SIPA1L1: variants seen among roughly 807,000 people sequenced by gnomAD.
SIPA1L1 encodes the protein signal induced proliferation associated 1 like 1, also known as signal-induced proliferation-associated 1-like protein 1.
A neutral mutation model predicts 162.7 loss-of-function variants in SIPA1L1; 26 were observed. The ratio of observed to expected loss-of-function variants is 0.16; its 90% CI spans 0.12 to 0.22. The LOEUF is 0.22. Among genes scored for constraint, SIPA1L1 ranks in the 10% least tolerant of loss-of-function variants. The pLI is 1.00. For synonymous variants in SIPA1L1, 829 were observed against 837.4 expected (o/e 0.99, Z 0.17); for missense variants, 1,874 against 2,241.0 (o/e 0.84, Z 3.31).
chr14:71,536,053 A>G (rs2053867891), intron 4 of SIPA1L1, among the ~76,000 whole-genome samples: 1 of 151,906 alleles, frequency 6.6e-6, no homozygotes, highest in Non-Finnish European at 1.5e-5. Flanking sequence ...GTAAAATCTA[A>G]GGAATTCTGT....
In SIPA1L1 at chr14:71,647,710, C is replaced by T. The variant is rs188637299; in HGVS notation, c.1819-2625C>T. Reference sequence around the variant, plus strand: ...TATTAAGGACTTCTTTTGTAATAGACATCGAGACTATCTCTCCCTTTTTAT... The same window carrying T: ...TATTAAGGACTTCTTTTGTAATAGATATCGAGACTATCTCTCCCTTTTTAT... On this transcript the variant is annotated intron_variant, in intron 7 of 23. Coordinates refer to ENST00000381232, the MANE Select transcript of SIPA1L1 (RefSeq NM_001386936.1). 2.0e-3 allele frequency among the ~76,000 whole-genome samples: 304 copies of T among 152,246 alleles called. 5 individuals carry two copies. Among genetic ancestry groups the T allele is most frequent in the Non-Finnish European group, 9.6e-4 (65 of 68,036 alleles).
chr14:71,728,776 G>A (rs182725817), intron 19 of SIPA1L1, among the ~76,000 whole-genome samples: 2 of 152,286 alleles, frequency 1.3e-5, no homozygotes, highest in East Asian at 3.9e-4. Flanking sequence ...CCCTATCGAG[G>A]CAGACAGTGG....
At chr14:71,579,284 T>C (rs536837167) in intron 4 of SIPA1L1, among the ~76,000 whole-genome samples, 1 of 152,240 alleles carries the variant, frequency 6.6e-6, no homozygotes, top group South Asian at 2.1e-4. Context: ...TTCCTTACTT[T>C]TTACTGATTT....
At chr14:71,426,913 A>C (rs145741538) in intron 2 of SIPA1L1, among the ~76,000 whole-genome samples, 258 of 152,368 alleles carry the variant, frequency 1.7e-3, no homozygotes, top group African/African-American at 5.8e-3. Context: ...ACATAAAGTA[A>C]TAATGAACTA....
intron 3 of SIPA1L1, among the ~76,000 whole-genome samples, chr14:71,524,895 G>A (rs1259269088): frequency 6.6e-6 from 1 of 152,062 alleles, no homozygotes; most frequent in East Asian, 1.9e-4. Flanking sequence ...TCCTAACCTT[G>A]CCTATCTGTA....
At chr14:71,408,574 A>T (rs2042185702) in intron 2 of SIPA1L1, among the ~76,000 whole-genome samples, 1 of 152,196 alleles carries the variant, frequency 6.6e-6, no homozygotes, top group South Asian at 2.1e-4. Flanking sequence ...GATTGTTCAC[A>T]TAGCTCTTGC....
intron 2 of SIPA1L1, among the ~76,000 whole-genome samples, chr14:71,459,273 A>T (rs1285260388): frequency 6.6e-6 from 1 of 152,088 alleles, no homozygotes. Context: ...AATTTTCTGA[A>T]TGGTGGCTTC....
rs58628136 is a variant in SIPA1L1, at chr14:71,417,469, CAAAAAAAAAAAA to C, written c.-464-95251_-464-95240del. 9.1e-3 allele frequency among the ~76,000 whole-genome samples: 161 copies of C among 17,760 alleles called. 1 individual carries two copies. Among genetic ancestry groups the C allele is most frequent in the Middle Eastern group, 0.1 (2 of 20 alleles). The allele number at this position is 17,760 out of a possible 152,430, so 11.7% of individuals were successfully genotyped here. ...CCTGGGCGACAGCGAGACTCCGTCT[CAAAAAAAAAAAA>C]AAAAAAAAAAAAAAAAAAAAAAGAA... On this transcript the variant is annotated intron_variant, in intron 2 of 23. Coordinates refer to ENST00000381232, the MANE Select transcript of SIPA1L1 (RefSeq NM_001386936.1).
chr14:71,660,245 A>T (rs755694725), intron 9 of SIPA1L1, among the ~76,000 whole-genome samples: 5 of 152,192 alleles, frequency 3.3e-5, no homozygotes, highest in Non-Finnish European at 7.3e-5. Context: ...AGAGCAATCA[A>T]TACACACCAG....
At chr14:71,366,163 GT>G (rs1202189867) in intron 2 of SIPA1L1, among the ~76,000 whole-genome samples, 1 of 152,134 alleles carries the variant, frequency 6.6e-6, no homozygotes, top group Non-Finnish European at 1.5e-5. Context: ...AAGCATCACT[GT>G]TGAATCTGTT....
chr14:71,614,901 T>TTA lies in SIPA1L1; in HGVS notation c.1499-3855_1499-3854insAT, dbSNP rs201153075. On this transcript the variant is annotated intron_variant, in intron 5 of 23. Transcript: ENST00000381232. ...TTGTCTACCAGTAATACTAAAATGA[T>TTA]TGTTTAATATTTTTAGTTTATAAAT... Among the ~76,000 whole-genome samples, 1,103 of 152,246 alleles carry TTA rather than the reference T, an allele frequency of 7.2e-3. 11 individuals are homozygous for TTA. Among genetic ancestry groups the TTA allele is most frequent in the African/African-American group, 0.021 (866 of 41,554 alleles).
At chr14:71,719,971 T>A (rs1435642752) in intron 17 of SIPA1L1, among the ~76,000 whole-genome samples, 1 of 152,244 alleles carries the variant, frequency 6.6e-6, no homozygotes, top group Non-Finnish European at 1.5e-5. Flanking sequence ...TATCCCCCAC[T>A]CTGTGGGCCT....
chr14:71,631,550 A>G (rs1454455120), intron 7 of SIPA1L1, among the ~76,000 whole-genome samples: 1 of 152,222 alleles, frequency 6.6e-6, no homozygotes, highest in Non-Finnish European at 1.5e-5. Flanking sequence ...CTTAATACCC[A>G]ATATGAAACT....
At chr14:71,402,907 T>C (rs1452268851) in intron 2 of SIPA1L1, among the ~76,000 whole-genome samples, 1 of 152,188 alleles carries the variant, frequency 6.6e-6, no homozygotes, top group Non-Finnish European at 1.5e-5. Context: ...TATTTGTGGT[T>C]ATTGAGGACT....
intron 2 of SIPA1L1, among the ~76,000 whole-genome samples, chr14:71,508,554 G>A (rs928425903): frequency 6.6e-6 from 1 of 152,228 alleles, no homozygotes; most frequent in African/African-American, 2.4e-5. Context: ...AACATGGTAT[G>A]TCCACTGGGG....
intron 2 of SIPA1L1, among the ~76,000 whole-genome samples, chr14:71,451,879 G>A (rs1464251584): frequency 6.6e-6 from 1 of 152,002 alleles, no homozygotes; most frequent in African/African-American, 2.4e-5. Flanking sequence ...AAATATTTGA[G>A]AGAAGGGAAA....
At chr14:71,730,012 A>G in intron 19 of SIPA1L1, 43 bp from the exon 20 acceptor site, 1 of 1,590,900 alleles carries the variant, frequency 6.3e-7, no homozygotes, top group Non-Finnish European at 8.6e-7. Context: ...CAGGGATCTG[A>G]ACCAGAAAAT....
rs1275997710 is a variant in SIPA1L1 at position 71,709,197 on chromosome 14, CAAAT to C, written c.3766-20_3766-17del. On this transcript the variant is annotated intron_variant, in intron 16 of 23. Transcript: ENST00000381232. ...TGTTCAGGAAGCAAAACTTTGCACTCAAATAAATTCTGCTTCTCTTGCAGTCTGA... is the reference window on the plus strand; with the variant it reads ...TGTTCAGGAAGCAAAACTTTGCACTCAAATTCTGCTTCTCTTGCAGTCTGA... The C allele has an allele frequency of 1.3e-5, 21 of 1,578,188 alleles. No individual in the cohort carries two copies. The Admixed American group carries it at 3.7e-4, about 28-fold the overall frequency.
At chr14:71,493,111 G>T (rs1438389996) in intron 2 of SIPA1L1, among the ~76,000 whole-genome samples, 2 of 151,904 alleles carry the variant, frequency 1.3e-5, no homozygotes, top group Non-Finnish European at 2.9e-5. Flanking sequence ...TAGAGACAGG[G>T]TCTTGCTCTG....
Sources: allele counts gnomAD v4.1 joint callset (sites outside exome capture counted in the v4.1 genomes callset), GRCh38; gene constraint gnomAD v4.1.1; transcripts MANE v1.5; gene names NCBI Gene and HGNC (gene_info 2026-07-23, HGNC 2026-07-21).